TBC1D5: variants seen among roughly 807,000 people sequenced by gnomAD.
TBC1D5 encodes TBC1 domain family member 5.
Under a neutral mutation model 100.3 loss-of-function variants are expected in TBC1D5, and 75 were observed. That is an observed-to-expected ratio of 0.75 (90% CI 0.62 to 0.91). TBC1D5 has a LOEUF of 0.91. TBC1D5 is among the 40% of genes least tolerant of loss of function. TBC1D5 has a pLI of 0.00. For missense variants in TBC1D5, 910 were observed against 942.4 expected (o/e 0.97, Z 0.45); for synonymous variants, 323 against 325.6 (o/e 0.99, Z 0.09).
chr3:17,353,535 G>A (rs762248065), intron 13 of TBC1D5, among the ~76,000 whole-genome samples: 14 of 152,038 alleles, frequency 9.2e-5, no homozygotes, highest in Non-Finnish European at 1.9e-4. Flanking sequence ...GCATAACTAT[G>A]TGAATGCGAA....
chr3:17,178,115 G>A (rs1282584913), intron 19 of TBC1D5, among the ~76,000 whole-genome samples: 1 of 143,470 alleles, frequency 7.0e-6, no homozygotes, highest in African/African-American at 2.7e-5. Flanking sequence ...GCCCAGGCTG[G>A]AGTGCAGTGG....
chr3:17,619,200 A>G (rs1006747516), intron 2 of TBC1D5, among the ~76,000 whole-genome samples: 23 of 152,256 alleles, frequency 1.5e-4, no homozygotes, highest in African/African-American at 5.5e-4. Context: ...CTTGGTTAGA[A>G]CATCTCAACA....
At chr3:17,390,852 C>G (rs578183249) in intron 8 of TBC1D5, among the ~76,000 whole-genome samples, 92 of 152,190 alleles carry the variant, frequency 6.0e-4, no homozygotes, top group Non-Finnish European at 1.1e-3. Context: ...CTTTTTCTTC[C>G]TGTGTTCCCT....
At chr3:17,404,605 A>G in intron 7 of TBC1D5, 89 bp downstream of exon 7, 1 of 1,162,192 alleles carries the variant, frequency 8.6e-7, no homozygotes, top group South Asian at 1.6e-5. Flanking sequence ...AGCATGAAAT[A>G]TATTGCTTTC....
At chr3:17,463,408 C>A (rs1274477414) in intron 3 of TBC1D5, among the ~76,000 whole-genome samples, 1 of 152,078 alleles carries the variant, frequency 6.6e-6, no homozygotes, top group Non-Finnish European at 1.5e-5. Flanking sequence ...ATGTTTCTGG[C>A]TTCTCTGGTC....
chr3:17,646,049 C>T (rs145127439), intron 1 of TBC1D5, among the ~76,000 whole-genome samples: 12 of 152,154 alleles, frequency 7.9e-5, no homozygotes, highest in African/African-American at 2.6e-4. Flanking sequence ...AGGGTCTTTA[C>T]AGAGGTAATC....
chr3:17,226,765 G>A (rs555010627), intron 17 of TBC1D5, among the ~76,000 whole-genome samples: 1 of 152,254 alleles, frequency 6.6e-6, no homozygotes, highest in African/African-American at 2.4e-5. Context: ...CCCAATAAAT[G>A]TCTTAACCAT....
At chr3:17,660,767 G>A (rs1268954145) in intron 1 of TBC1D5, among the ~76,000 whole-genome samples, 2 of 152,062 alleles carry the variant, frequency 1.3e-5, no homozygotes, top group Non-Finnish European at 2.9e-5. Flanking sequence ...CCATTGTAGG[G>A]AAAAAATAAA....
chr3:17,204,979 C>G (rs926914142), intron 18 of TBC1D5, among the ~76,000 whole-genome samples: 8 of 152,116 alleles, frequency 5.3e-5, no homozygotes, highest in Non-Finnish European at 1.2e-4. Context: ...ACCTTGAGTA[C>G]GTTTACTGGC....
intron 1 of TBC1D5, among the ~76,000 whole-genome samples, chr3:17,643,635 A>G (rs945086400): frequency 1.3e-5 from 2 of 152,120 alleles, no homozygotes; most frequent in African/African-American, 2.4e-5. Flanking sequence ...AAAATTATCA[A>G]AAAGTTAAAT....
intron 4 of TBC1D5, among the ~76,000 whole-genome samples, chr3:17,416,532 A>G (rs1343033978): frequency 6.6e-6 from 1 of 152,228 alleles, no homozygotes; most frequent in Admixed American, 6.5e-5. Flanking sequence ...ATACTCATAT[A>G]TAACTGGGGA....
chr3:17,600,340 T>C (rs957518307), intron 2 of TBC1D5, among the ~76,000 whole-genome samples: 2 of 152,340 alleles, frequency 1.3e-5, no homozygotes, highest in Non-Finnish European at 2.9e-5. Flanking sequence ...TAGTAAAATA[T>C]ATACATGAAG....
rs3041146 is a variant in TBC1D5 at position 17,408,268 on chromosome 3, AACACACAC to A, written c.168-1750_168-1743del. ...ATGAAAAGCCCTCAGAAGACTATCC[AACACACAC>A]ACACACACACACACACACACACACA... is the stretch of plus-strand genomic sequence containing the variant. On this transcript the variant is annotated intron_variant, in intron 4 of 21. Transcript: ENST00000253692. Among the ~76,000 whole-genome samples, 937 of 144,100 alleles carry A rather than the reference AACACACAC, an allele frequency of 6.5e-3. 9 individuals are homozygous for A. Among genetic ancestry groups the A allele is most frequent in the South Asian group, 0.048 (203 of 4,272 alleles). 94.5% of individuals were successfully genotyped at this position (144,100 alleles called of 152,430 possible).
intron 18 of TBC1D5, among the ~76,000 whole-genome samples, chr3:17,198,645 T>C (rs987713671): frequency 1.3e-5 from 2 of 152,198 alleles, no homozygotes; most frequent in African/African-American, 2.4e-5. Context: ...TGAATGGATA[T>C]GGTGTCTAGA....
chr3:17,527,812 T>A lies in TBC1D5; in HGVS notation c.-35-19207A>T, dbSNP rs533483611. 3.9e-4 allele frequency among the ~76,000 whole-genome samples: 60 copies of A among 152,338 alleles called. No individual in the cohort carries two copies. The Middle Eastern group carries it at 0.01, about 26-fold the overall frequency. ...ATGACAATCTTCAAGATGTTTCTCA[T>A]ATTTTTGGAGAAATAAAAACATCTG... is the stretch of plus-strand genomic sequence containing the variant. On this transcript the variant is annotated intron_variant, in intron 2 of 21. Coordinates refer to ENST00000253692, the Ensembl canonical transcript of TBC1D5.
chr3:17,391,703 G>A (rs79116837), intron 8 of TBC1D5, among the ~76,000 whole-genome samples: 1,720 of 152,140 alleles, frequency 0.011, 37 homozygotes, highest in African/African-American at 0.039. Context: ...GCAAAGAGGC[G>A]CCAGTGAGGG....
chr3:17,628,479 C>A (rs539253810), intron 1 of TBC1D5, among the ~76,000 whole-genome samples: 1 of 151,974 alleles, frequency 6.6e-6, no homozygotes, highest in Admixed American at 6.6e-5. Flanking sequence ...CCCACTTCAC[C>A]ATGGGCCTAA....
chr3:17,203,267 T>C (rs541479164), intron 18 of TBC1D5, among the ~76,000 whole-genome samples: 10 of 152,220 alleles, frequency 6.6e-5, no homozygotes, highest in Non-Finnish European at 1.5e-4. Flanking sequence ...TGTAGCCCCT[T>C]TGTTTTGGCT....
In TBC1D5 at chr3:17,479,056, TA is replaced by T. The variant is rs373958705; in HGVS notation, c.97+29417del. Among the ~76,000 whole-genome samples the T allele has an allele frequency of 1.7e-4, 26 of 152,302 alleles. No individual in the cohort carries two copies. In the East Asian group the frequency reaches 1.9e-3, roughly 11 times the overall value. Reference sequence around the variant, plus strand: ...ACATGAAATATTAATGCTTGGTAAATAAATGGCTACACAGCTCATTTTAATC... The same window carrying T: ...ACATGAAATATTAATGCTTGGTAAATAATGGCTACACAGCTCATTTTAATC... On this transcript the variant is annotated intron_variant, in intron 3 of 21. Transcript: ENST00000253692.
Sources: allele counts gnomAD v4.1 joint callset (sites outside exome capture counted in the v4.1 genomes callset), GRCh38; gene constraint gnomAD v4.1.1; transcripts MANE v1.5; gene names NCBI Gene and HGNC (gene_info 2026-07-23, HGNC 2026-07-21).